The following NFIL3 variants were observed in gnomAD, a reference collection of about 807,000 sequenced individuals.
NFIL3 encodes the protein nuclear factor, interleukin 3 regulated, also known as nuclear factor interleukin-3-regulated protein.
Under a neutral mutation model 10.0 loss-of-function variants are expected in NFIL3, and 5 were observed. The observed-to-expected ratio is 0.50, with a 90% CI of 0.26 to 1.06. The LOEUF (loss-of-function observed/expected upper bound fraction) is 1.06. NFIL3 is among the 50% of genes least tolerant of loss of function. The pLI is 0.13. For missense variants in NFIL3, 436 were observed against 547.6 expected, an observed-to-expected ratio of 0.80 and a Z score of 2.03; for synonymous variants, 202 against 206.5, an observed-to-expected ratio of 0.98 and a Z score of 0.19.
At chr9:91,459,757 A>G in the NFIL3 span, among the ~76,000 whole-genome samples, 1 of 152,170 alleles carries the variant, frequency 6.6e-6, no homozygotes, top group Non-Finnish European at 1.5e-5. Flanking sequence ...CTAGACTATA[A>G]AATCCTTGAT....
intron 1 of NFIL3, among the ~76,000 whole-genome samples, chr9:91,423,275 G>A (rs1414359786): frequency 6.6e-6 from 1 of 152,152 alleles, no homozygotes; most frequent in Admixed American, 6.5e-5. Context: ...AGAGGAAAGA[G>A]CATCTTCCCG....
At chr9:91,454,302 A>G in the NFIL3 span, among the ~76,000 whole-genome samples, 2 of 152,112 alleles carry the variant, frequency 1.3e-5, no homozygotes, top group Non-Finnish European at 2.9e-5. Context: ...GCACAAGCAA[A>G]CAAGGCAATT....
chr9:91,413,489 G>C (rs1237316912), intron 1 of NFIL3, among the ~76,000 whole-genome samples: 1 of 152,184 alleles, frequency 6.6e-6, no homozygotes, highest in Admixed American at 6.5e-5. Flanking sequence ...GATCTCAGGT[G>C]ATTTGCCTGC....
At chr9:91,444,336 C>T in the NFIL3 span, among the ~76,000 whole-genome samples, 1 of 152,046 alleles carries the variant, frequency 6.6e-6, no homozygotes, top group Non-Finnish European at 1.5e-5. Flanking sequence ...AACTGTTTTC[C>T]TGATTTCATT....
the NFIL3 span, among the ~76,000 whole-genome samples, chr9:91,438,769 C>A: frequency 6.6e-6 from 1 of 152,114 alleles, no homozygotes; most frequent in African/African-American, 2.4e-5. Flanking sequence ...AGAGACTATC[C>A]TTTCTCCATT....
At chr9:91,474,952 A>T in the NFIL3 span, among the ~76,000 whole-genome samples, 1 of 152,300 alleles carries the variant, frequency 6.6e-6, no homozygotes, top group African/African-American at 2.4e-5. Context: ...GTAAGAAAGA[A>T]CCTGGATGGC....
intron 1 of NFIL3, among the ~76,000 whole-genome samples, chr9:91,416,471 C>T (rs1164026195): frequency 7.2e-5 from 11 of 152,196 alleles, no homozygotes. Context: ...TTCATCTATG[C>T]ATCATCTTTT....
chr9:91,417,894 GTAAA>G (rs1167733226), intron 1 of NFIL3, among the ~76,000 whole-genome samples: 4 of 152,044 alleles, frequency 2.6e-5, no homozygotes, highest in Non-Finnish European at 5.9e-5. Context: ...GGGTGCCTCT[GTAAA>G]TAAATGTGTC....
the NFIL3 span, among the ~76,000 whole-genome samples, chr9:91,471,477 A>T: frequency 2.1e-5 from 3 of 141,754 alleles, no homozygotes; most frequent in African/African-American, 8.0e-5. Flanking sequence ...CCAATTTGCC[A>T]GTCTGTGTCT....
In NFIL3 at chr9:91,417,760, A is replaced by G. The variant is rs1833684551; in HGVS notation, c.-173+5880T>C. Reference sequence around the variant, plus strand: ...GTCCCCAAGAAGCAGCTTACCCCAAAGTTAGAGAGAAATGTGCACTTGATC... The same window carrying G: ...GTCCCCAAGAAGCAGCTTACCCCAAGGTTAGAGAGAAATGTGCACTTGATC... On this transcript the variant is annotated intron_variant, in intron 1 of 1. Transcript: ENST00000297689. Among the ~76,000 whole-genome samples, 3 of 152,146 alleles carry G rather than the reference A, an allele frequency of 2.0e-5. No homozygotes were observed. In the South Asian group the frequency reaches 6.2e-4, roughly 32 times the overall value.
At chr9:91,472,974 G>T in the NFIL3 span, among the ~76,000 whole-genome samples, 1 of 152,138 alleles carries the variant, frequency 6.6e-6, no homozygotes. Context: ...TCAGCTGCAG[G>T]TCTGTTGGAG....
intron 1 of NFIL3, among the ~76,000 whole-genome samples, chr9:91,414,924 T>A (rs1833623132): frequency 6.6e-6 from 1 of 152,240 alleles, no homozygotes; most frequent in South Asian, 2.1e-4. Flanking sequence ...TCATTGACAG[T>A]CACCCATATA....
chr9:91,428,259 ATTC>A (rs1833890632), upstream of NFIL3, among the ~76,000 whole-genome samples: 1 of 151,714 alleles, frequency 6.6e-6, no homozygotes, highest in Admixed American at 6.6e-5. Flanking sequence ...TTACTCTATT[ATTC>A]TTAGTTTTTT....
the NFIL3 span, among the ~76,000 whole-genome samples, chr9:91,468,026 A>T: frequency 6.6e-6 from 1 of 152,194 alleles, no homozygotes; most frequent in South Asian, 2.1e-4. Flanking sequence ...TAGCAGCATG[A>T]TTTATAATCC....
the NFIL3 span, among the ~76,000 whole-genome samples, chr9:91,470,510 C>G: frequency 6.6e-6 from 1 of 151,872 alleles, no homozygotes; most frequent in African/African-American, 2.4e-5. Flanking sequence ...TTTTTTATGT[C>G]TCTATCTTCT....
the NFIL3 span, among the ~76,000 whole-genome samples, chr9:91,431,147 A>G: frequency 2.0e-5 from 3 of 152,224 alleles, no homozygotes; most frequent in Admixed American, 6.5e-5. Flanking sequence ...GACCTGGAGT[A>G]GCAAAACCAA....
At chr9:91,479,064 G>A in the NFIL3 span, among the ~76,000 whole-genome samples, 2 of 152,288 alleles carry the variant, frequency 1.3e-5, no homozygotes, top group Admixed American at 1.3e-4. Context: ...GAGCTCTCCT[G>A]TATGAGGTGT....
the NFIL3 span, among the ~76,000 whole-genome samples, chr9:91,445,148 C>G: frequency 6.6e-6 from 1 of 152,136 alleles, no homozygotes; most frequent in African/African-American, 2.4e-5. Flanking sequence ...GGGCATAGTA[C>G]TGACTTGGCT....
At chr9:91,445,685 C>T in the NFIL3 span, among the ~76,000 whole-genome samples, 2 of 152,054 alleles carry the variant, frequency 1.3e-5, no homozygotes, top group Non-Finnish European at 2.9e-5. Context: ...AGGGCTGAAG[C>T]TTAGGGTCCA....
Sources: gnomAD v4.1 joint callset for allele counts (sites outside exome capture counted in the v4.1 genomes callset) on GRCh38, gnomAD v4.1.1 for gene constraint, MANE v1.5 for transcripts, NCBI Gene and HGNC (gene_info 2026-07-23, HGNC 2026-07-21) for gene names.